Variants in NUMB observed in about 807,000 individuals in gnomAD.
NUMB encodes the protein protein numb homolog.
A neutral mutation model predicts 59.7 loss-of-function variants in NUMB; 29 were observed. That is an observed-to-expected ratio of 0.49 (90% CI 0.36 to 0.66). The LOEUF (loss-of-function observed/expected upper bound fraction) is 0.66. NUMB is among the 30% of genes least tolerant of loss of function. NUMB has a pLI of 0.00. For missense variants in NUMB, 723 were observed against 822.0 expected (o/e 0.88, Z 1.47); for synonymous variants, 288 against 288.2 (o/e 1.00, Z 0.01).
intron 3 of NUMB, among the ~76,000 whole-genome samples, chr14:73,364,436 T>C (rs1172418952): frequency 6.6e-6 from 1 of 152,018 alleles, no homozygotes; most frequent in Non-Finnish European, 1.5e-5. Flanking sequence ...CCTGGGAAGC[T>C]GAGGTTGCAG....
At chr14:73,313,215 C>A (rs1268333307) in intron 6 of NUMB, among the ~76,000 whole-genome samples, 1 of 151,996 alleles carries the variant, frequency 6.6e-6, no homozygotes, top group Non-Finnish European at 1.5e-5. Flanking sequence ...GTCTTGAACT[C>A]CTGACCTCAA....
intron 4 of NUMB, among the ~76,000 whole-genome samples, chr14:73,329,164 G>C (rs954418446): frequency 6.6e-6 from 1 of 152,146 alleles, no homozygotes; most frequent in African/African-American, 2.4e-5. Context: ...CCCATGTCTG[G>C]CCAATTTTTC....
At chr14:73,416,661 CA>C (rs774122166) in intron 1 of NUMB, among the ~76,000 whole-genome samples, 2 of 152,010 alleles carry the variant, frequency 1.3e-5, no homozygotes, top group African/African-American at 4.8e-5. Context: ...GCCAATGTGG[CA>C]AAAGCCCTTA....
At chr14:73,371,161 T>G (rs1337333523) in intron 2 of NUMB, among the ~76,000 whole-genome samples, 1 of 152,218 alleles carries the variant, frequency 6.6e-6, no homozygotes, top group Admixed American at 6.5e-5. Flanking sequence ...GTCCTAAATA[T>G]TTTTGTATGT....
chr14:73,393,541 C>A (rs76104164), intron 2 of NUMB, among the ~76,000 whole-genome samples: 9,262 of 152,188 alleles, frequency 0.061, 725 homozygotes, highest in African/African-American at 0.17. Flanking sequence ...AGTTTGTTTA[C>A]AAAGCACTCA....
At chr14:73,320,427 C>G (rs183215547) in intron 5 of NUMB, among the ~76,000 whole-genome samples, 15 of 152,226 alleles carry the variant, frequency 9.9e-5, no homozygotes, top group Non-Finnish European at 1.5e-5. Flanking sequence ...GAGACAGGGT[C>G]TCACTATGTT....
chr14:73,419,434 G>A (rs1173686186), intron 1 of NUMB, among the ~76,000 whole-genome samples: 3 of 152,118 alleles, frequency 2.0e-5, no homozygotes, highest in Non-Finnish European at 2.9e-5. Context: ...GCATGAACCC[G>A]GGAGGCGGAG....
At chr14:73,437,877 A>G (rs1898124307) in intron 1 of NUMB, among the ~76,000 whole-genome samples, 1 of 151,110 alleles carries the variant, frequency 6.6e-6, no homozygotes, top group South Asian at 2.1e-4. Flanking sequence ...CACCCAAAAG[A>G]AAAATGGACC....
intron 3 of NUMB, among the ~76,000 whole-genome samples, chr14:73,364,260 T>G (rs72736325): frequency 0.072 from 11,018 of 152,016 alleles, 532 homozygotes; most frequent in Admixed American, 0.13. Flanking sequence ...CGTGCTGAGG[T>G]GGGCGGATAA....
chr14:73,352,948 T>C (rs72736315), intron 4 of NUMB, among the ~76,000 whole-genome samples: 1 of 151,634 alleles, frequency 6.6e-6, no homozygotes, highest in Non-Finnish European at 1.5e-5. Flanking sequence ...GCTTACCACC[T>C]AGCATATACC....
Position 73,342,346 on chromosome 14 carries a change from A to G in NUMB, c.126+13280T>C, listed in dbSNP as rs569200160. On this transcript the variant is annotated intron_variant, in intron 4 of 12. Transcript: ENST00000555238. ...TTCATTGGTACTACACATGGCTGAC[A>G]TTAAGTTTGGATCACTACTTGTCAC... Among the ~76,000 whole-genome samples the G allele has an allele frequency of 1.6e-4, 24 of 152,378 alleles. No homozygotes were observed. The East Asian group carries it at 3.1e-3, about 20-fold the overall frequency.
At chr14:73,388,705 G>A (rs1485657250) in intron 2 of NUMB, among the ~76,000 whole-genome samples, 1 of 152,184 alleles carries the variant, frequency 6.6e-6, no homozygotes, top group Admixed American at 6.5e-5. Flanking sequence ...GCTCACGCCT[G>A]TAATCCCAGC....
intron 4 of NUMB, among the ~76,000 whole-genome samples, chr14:73,328,889 C>T (rs1223338034): frequency 2.0e-5 from 3 of 152,234 alleles, no homozygotes; most frequent in African/African-American, 4.8e-5. Flanking sequence ...TGTTCTGAGA[C>T]GGAGTCTCGT....
chr14:73,351,214 C>T (rs1308443552), intron 4 of NUMB, among the ~76,000 whole-genome samples: 2 of 152,188 alleles, frequency 1.3e-5, no homozygotes, highest in Non-Finnish European at 2.9e-5. Flanking sequence ...TGGCTCATGC[C>T]TGCAATCCCA....
At chr14:73,350,173 CTT>C (rs552677993) in intron 4 of NUMB, among the ~76,000 whole-genome samples, 7 of 121,710 alleles carry the variant, frequency 5.8e-5, no homozygotes, top group Admixed American at 1.7e-4. Context: ...AACTAGGTGT[CTT>C]TTTTTTTTTT....
intron 4 of NUMB, among the ~76,000 whole-genome samples, chr14:73,327,446 G>A (rs946625951): frequency 5.3e-5 from 8 of 152,028 alleles, no homozygotes; most frequent in African/African-American, 1.9e-4. Flanking sequence ...TAGTAGAGAT[G>A]GGATTTCACC....
chr14:73,387,724 C>A (rs1282412114), intron 2 of NUMB, among the ~76,000 whole-genome samples: 2 of 146,600 alleles, frequency 1.4e-5, no homozygotes, highest in African/African-American at 2.6e-5. Flanking sequence ...CAGAGCAATA[C>A]CCAATCTCAA....
At chr14:73,354,526 A>G (rs1438098844) in intron 4 of NUMB, among the ~76,000 whole-genome samples, 1 of 150,070 alleles carries the variant, frequency 6.7e-6, no homozygotes, top group Non-Finnish European at 1.5e-5. Context: ...AAAAAAAAAA[A>G]AAGAATATAT....
chr14:73,321,912 C>A (rs770513687), intron 5 of NUMB, among the ~76,000 whole-genome samples: 1 of 152,050 alleles, frequency 6.6e-6, no homozygotes, highest in Non-Finnish European at 1.5e-5. Context: ...CCTTCTATGA[C>A]AGATTCAGGT....
Sources: gnomAD v4.1 joint callset for allele counts (sites outside exome capture counted in the v4.1 genomes callset) on GRCh38, gnomAD v4.1.1 for gene constraint, MANE v1.5 for transcripts, NCBI Gene and HGNC (gene_info 2026-07-23, HGNC 2026-07-21) for gene names.